SORCS3: variants seen among roughly 807,000 people sequenced by gnomAD.
The protein encoded by SORCS3 is VPS10 domain-containing receptor SorCS3.
In SORCS3, 57 loss-of-function variants were observed where a neutral mutation model predicts 146.3. The observed-to-expected ratio is 0.39, with a 90% CI of 0.31 to 0.49. The LOEUF is 0.49. SORCS3 is among the 20% of genes least tolerant of loss of function. The pLI is 0.92. For synonymous variants in SORCS3, 653 were observed against 618.5 expected (o/e 1.06, Z -0.83); for missense variants, 1,341 against 1,575.5 (o/e 0.85, Z 2.52).
At chr10:104,797,492 A>G (rs1026420669) in intron 1 of SORCS3, among the ~76,000 whole-genome samples, 18 of 151,168 alleles carry the variant, frequency 1.2e-4, no homozygotes, top group African/African-American at 3.9e-4. Context: ...TTGAATCTGA[A>G]TCAAGGCTGA....
At chr10:104,753,835 C>T (rs1010336941) in intron 1 of SORCS3, among the ~76,000 whole-genome samples, 3 of 152,156 alleles carry the variant, frequency 2.0e-5, no homozygotes, top group East Asian at 1.9e-4. Flanking sequence ...CCAAAAAGTC[C>T]AAGGCTGACC....
At chr10:105,207,531 G>C (rs905089764) in intron 16 of SORCS3, among the ~76,000 whole-genome samples, 2 of 152,250 alleles carry the variant, frequency 1.3e-5, no homozygotes, top group East Asian at 1.9e-4. Flanking sequence ...GGTGCATTCT[G>C]TCCAAACCTC....
chr10:104,757,857 ACCCC>A (rs5787547), intron 1 of SORCS3, among the ~76,000 whole-genome samples: 40 of 65,052 alleles, frequency 6.1e-4, no homozygotes, highest in African/African-American at 2.2e-3. Flanking sequence ...CACTGCCACC[ACCCC>A]CCCCCCCACA....
At chr10:105,243,324 A>G (rs995074996) in intron 20 of SORCS3, among the ~76,000 whole-genome samples, 5 of 152,048 alleles carry the variant, frequency 3.3e-5, no homozygotes, top group African/African-American at 1.2e-4. Flanking sequence ...ATGCAGACAA[A>G]CTTTGCCTAA....
At chr10:104,871,017 A>G (rs2018513667) in intron 2 of SORCS3, among the ~76,000 whole-genome samples, 1 of 152,180 alleles carries the variant, frequency 6.6e-6, no homozygotes, top group African/African-American at 2.4e-5. Context: ...GCAGCCCTCC[A>G]TACTCATGGG....
intron 1 of SORCS3, among the ~76,000 whole-genome samples, chr10:104,745,163 G>T (rs540119418): frequency 6.6e-6 from 1 of 152,206 alleles, no homozygotes; most frequent in African/African-American, 2.4e-5. Context: ...AGGTTTGAAG[G>T]GGGTTTCCTA....
rs943773126 is a variant in SORCS3, at chr10:104,726,544, T to C, written c.627+84590T>C. On this transcript the variant is annotated intron_variant, in intron 1 of 26. Transcript: ENST00000369701. ...CTTCTCATGTCTCATGCATGTTCCA[T>C]GTGGAAGGCATTTGTGCCATCCCAC... Among the ~76,000 whole-genome samples, 5 of 152,108 alleles carry C rather than the reference T, an allele frequency of 3.3e-5. No individual in the cohort carries two copies. In the East Asian group the frequency reaches 7.8e-4, roughly 24 times the overall value.
chr10:104,815,353 G>A (rs764193339), intron 1 of SORCS3, among the ~76,000 whole-genome samples: 65 of 150,644 alleles, frequency 4.3e-4, no homozygotes, highest in Non-Finnish European at 6.6e-4. Context: ...GAAGGCTGAG[G>A]AGGTGGGATC....
In SORCS3 at chr10:104,984,589, G is replaced by A. The variant is rs182568959; in HGVS notation, c.954+7096G>A. Among the ~76,000 whole-genome samples the A allele has an allele frequency of 2.4e-3, 364 of 152,144 alleles. 1 individual carries two copies. The highest frequency in any genetic ancestry group is 6.8e-3 in the Middle Eastern group (2 of 294). On this transcript the variant is annotated intron_variant, in intron 4 of 26. Coordinates refer to ENST00000369701, the MANE Select transcript of SORCS3 (RefSeq NM_014978.3). ...AGAAACTTACTGCCTAACATTAAGG[G>A]ACTTTAAATTATGGTATATACATTT...
chr10:104,909,788 G>GA (rs566675525), intron 2 of SORCS3, among the ~76,000 whole-genome samples: 3 of 138,948 alleles, frequency 2.2e-5, no homozygotes, highest in African/African-American at 7.7e-5. Flanking sequence ...TGTCTTTTCT[G>GA]TTTTTTTTTT....
chr10:104,763,547 G>A (rs756727143), intron 1 of SORCS3, among the ~76,000 whole-genome samples: 1 of 152,150 alleles, frequency 6.6e-6, no homozygotes, highest in African/African-American at 2.4e-5. Context: ...TGTATTGATA[G>A]CTGGGAATAA....
chr10:104,924,308 G>A (rs2019117238), intron 3 of SORCS3, among the ~76,000 whole-genome samples: 1 of 152,182 alleles, frequency 6.6e-6, no homozygotes, highest in Non-Finnish European at 1.5e-5. Context: ...TCTCTGCCAA[G>A]CCCATAAGGC....
At chr10:104,899,773 A>T (rs1254128856) in intron 2 of SORCS3, among the ~76,000 whole-genome samples, 3 of 152,218 alleles carry the variant, frequency 2.0e-5, no homozygotes, top group African/African-American at 7.2e-5. Flanking sequence ...CCTAATGCTA[A>T]GATAATAATA....
chr10:104,747,567 G>T (rs958981407), intron 1 of SORCS3, among the ~76,000 whole-genome samples: 1 of 152,210 alleles, frequency 6.6e-6, no homozygotes, highest in Non-Finnish European at 1.5e-5. Context: ...AATCTAACCT[G>T]TAGATTGCAA....
At chr10:104,713,650 G>A (rs1476345176) in intron 1 of SORCS3, among the ~76,000 whole-genome samples, 1 of 152,118 alleles carries the variant, frequency 6.6e-6, no homozygotes, top group Non-Finnish European at 1.5e-5. Context: ...ATCCCATTTG[G>A]TTGCATTATA....
At chr10:105,081,877 A>G (rs2055628637) in intron 5 of SORCS3, among the ~76,000 whole-genome samples, 1 of 152,206 alleles carries the variant, frequency 6.6e-6, no homozygotes, top group South Asian at 2.1e-4. Context: ...CAGGAAGGCG[A>G]ACAATCTACA....
chr10:104,659,923 G>A (rs2015679284), intron 1 of SORCS3, among the ~76,000 whole-genome samples: 1 of 152,104 alleles, frequency 6.6e-6, no homozygotes, highest in Non-Finnish European at 1.5e-5. Flanking sequence ...AACATTGCTG[G>A]TTCCCTTCCC....
chr10:104,821,861 G>A (rs1305153469), intron 1 of SORCS3, among the ~76,000 whole-genome samples: 3 of 152,116 alleles, frequency 2.0e-5, no homozygotes, highest in Non-Finnish European at 4.4e-5. Flanking sequence ...TGAGAGTCTT[G>A]GGAGGGAAGA....
At chr10:104,895,222 C>G (rs1199812973) in intron 2 of SORCS3, among the ~76,000 whole-genome samples, 1 of 152,212 alleles carries the variant, frequency 6.6e-6, no homozygotes, top group Non-Finnish European at 1.5e-5. Flanking sequence ...CTTTCCACAT[C>G]TGGGCATGAT....
Sources: allele counts gnomAD v4.1 joint callset (sites outside exome capture counted in the v4.1 genomes callset), GRCh38; gene constraint gnomAD v4.1.1; transcripts MANE v1.5; gene names NCBI Gene and HGNC (gene_info 2026-07-23, HGNC 2026-07-21).